The following KALRN variants were observed in gnomAD, a reference collection of about 807,000 sequenced individuals.
The protein encoded by KALRN is kalirin RhoGEF kinase, also known as kalirin.
KALRN carries 70 observed loss-of-function variants against 353.7 expected under a neutral mutation model. The ratio of observed to expected loss-of-function variants is 0.20; its 90% confidence interval spans 0.16 to 0.24. The LOEUF is 0.24. KALRN is among the 10% of genes least tolerant of loss of function. The probability of loss-of-function intolerance (pLI) is 1.00; values close to 1 mark genes in which losing one functional copy is unlikely to be tolerated. For missense variants in KALRN, 2,791 were observed against 3,756.7 expected, an observed-to-expected ratio of 0.74 and a Z score of 6.72; for synonymous variants, 1,391 against 1,434.8, an observed-to-expected ratio of 0.97 and a Z score of 0.69.
chr3:124,191,512 T>C (rs141818676), intron 1 of KALRN, among the ~76,000 whole-genome samples: 6 of 152,354 alleles, frequency 3.9e-5, no homozygotes, highest in African/African-American at 1.2e-4. Flanking sequence ...AAAGACCACA[T>C]ATATTAATAT....
chr3:124,678,434 G>T, intron 50 of KALRN, 121 bp downstream of exon 50: 3 of 1,076,472 alleles, frequency 2.8e-6, no homozygotes, highest in South Asian at 1.6e-5. Flanking sequence ...GGTACCAGAG[G>T]GGAAGTAGTT....
chr3:124,046,565 A>C (rs1399902952), intron 1 of KALRN, among the ~76,000 whole-genome samples: 5 of 152,248 alleles, frequency 3.3e-5, no homozygotes, highest in Admixed American at 2.6e-4. Flanking sequence ...AGTTGATTTC[A>C]GAATGGGCTG....
At chr3:124,248,801 G>A (rs1455379275) in intron 3 of KALRN, among the ~76,000 whole-genome samples, 1 of 152,178 alleles carries the variant, frequency 6.6e-6, no homozygotes, top group African/African-American at 2.4e-5. Context: ...CTCCCAGACT[G>A]TTCTGTCCGG....
At chr3:124,298,695 G>A in intron 5 of KALRN, 96 bp from the exon 6 acceptor site, 2 of 1,384,786 alleles carry the variant, frequency 1.4e-6, no homozygotes, top group Non-Finnish European at 2.0e-6. Context: ...CTGAGCACCA[G>A]CAGGAGAGCT....
At chr3:124,371,769 C>G (rs1270043844) in intron 10 of KALRN, among the ~76,000 whole-genome samples, 1 of 152,152 alleles carries the variant, frequency 6.6e-6, no homozygotes, top group African/African-American at 2.4e-5. Context: ...TGTCCATCCC[C>G]TCAAGCATTT....
chr3:124,186,923 A>G (rs1447358658), intron 1 of KALRN, among the ~76,000 whole-genome samples: 2 of 152,162 alleles, frequency 1.3e-5, no homozygotes, highest in Non-Finnish European at 2.9e-5. Context: ...GAGGGGTAGA[A>G]GATGGGAATG....
At chr3:124,711,045 C>A (rs1042292567) in intron 57 of KALRN, among the ~76,000 whole-genome samples, 1 of 152,170 alleles carries the variant, frequency 6.6e-6, no homozygotes, top group African/African-American at 2.4e-5. Context: ...ACCAGAATGG[C>A]AATTTATTAA....
intron 1 of KALRN, among the ~76,000 whole-genome samples, chr3:124,082,986 A>ACCT (rs1188709111): frequency 2.6e-5 from 4 of 152,122 alleles, no homozygotes; most frequent in Non-Finnish European, 5.9e-5. Context: ...TACTTGGTTG[A>ACCT]CCTCCTGCCT....
chr3:124,078,215 G>A (rs1466994006), intron 1 of KALRN, among the ~76,000 whole-genome samples: 6 of 152,066 alleles, frequency 3.9e-5, no homozygotes, highest in Non-Finnish European at 8.8e-5. Flanking sequence ...TTGTGTACTT[G>A]TCTTGACTTC....
Position 124,629,806 on chromosome 3 carries a change from C to T in KALRN, c.5183-2614C>T, listed in dbSNP as rs1013634395. ...TCTTGCTTTTTCATTTTTTCTCTCTCTCTCTCTGTCTCTCTCTCTCTCTGC... is the reference window on the plus strand; with the variant it reads ...TCTTGCTTTTTCATTTTTTCTCTCTTTCTCTCTGTCTCTCTCTCTCTCTGC... On this transcript the variant is annotated intron_variant, in intron 34 of 59. Coordinates refer to ENST00000682506, the MANE Select transcript of KALRN (RefSeq NM_001388419.1). 2.4e-4 allele frequency among the ~76,000 whole-genome samples: 17 copies of T among 70,332 alleles called. No individual in the cohort carries two copies. In the South Asian group the frequency reaches 3.2e-3, roughly 13 times the overall value. The allele number at this position is 70,332 out of a possible 152,430, so 46.1% of individuals were successfully genotyped here. A position where few individuals can be genotyped will look rare whatever the true frequency, so the allele number is the denominator to read the frequency against.
At chr3:124,583,770 C>G (rs1346911989) in intron 34 of KALRN, among the ~76,000 whole-genome samples, 1 of 152,188 alleles carries the variant, frequency 6.6e-6, no homozygotes, top group African/African-American at 2.4e-5. Flanking sequence ...ATACCAACAT[C>G]AGCATCACCT....
intron 37 of KALRN, among the ~76,000 whole-genome samples, chr3:124,649,516 G>A (rs2083140508): frequency 6.6e-6 from 1 of 152,150 alleles, no homozygotes; most frequent in African/African-American, 2.4e-5. Flanking sequence ...TCTCACACCT[G>A]TAATCCCAGC....
intron 1 of KALRN, among the ~76,000 whole-genome samples, chr3:124,110,987 A>G (rs1036440117): frequency 6.6e-6 from 1 of 152,218 alleles, no homozygotes; most frequent in Non-Finnish European, 1.5e-5. Flanking sequence ...TCTCAAGGCA[A>G]AAGCTTTTTT....
chr3:124,446,621 C>T (rs2093847897), intron 20 of KALRN, 142 bp from the exon 21 acceptor site: 1 of 1,030,652 alleles, frequency 9.7e-7, no homozygotes, highest in South Asian at 1.6e-5. Context: ...TAAAAAAAAA[C>T]TCCAGAGCTA....
At chr3:124,129,461 G>A (rs1560028020) in intron 1 of KALRN, among the ~76,000 whole-genome samples, 1 of 152,166 alleles carries the variant, frequency 6.6e-6, no homozygotes, top group Non-Finnish European at 1.5e-5. Flanking sequence ...CCCAACTAGA[G>A]ACATACTCTT....
intron 1 of KALRN, among the ~76,000 whole-genome samples, chr3:124,170,602 G>A (rs7649940): frequency 0.022 from 3,402 of 152,098 alleles, 140 homozygotes; most frequent in African/African-American, 0.078. Context: ...GAGAGAAGAC[G>A]TTTTCCTCTT....
At chr3:124,464,816 G>A (rs1416983768) in intron 25 of KALRN, among the ~76,000 whole-genome samples, 6 of 142,900 alleles carry the variant, frequency 4.2e-5, no homozygotes, top group Admixed American at 2.9e-4. Flanking sequence ...ACCAGCAGCT[G>A]TCTAAAGAAG....
At chr3:124,247,882 T>TG (rs1222456481) in intron 3 of KALRN, among the ~76,000 whole-genome samples, 2 of 150,512 alleles carry the variant, frequency 1.3e-5, no homozygotes, top group Non-Finnish European at 2.9e-5. Context: ...TCACTTGTAT[T>TG]GAAAAAAAAA....
At chr3:124,437,418 G>A (rs117676408) in intron 17 of KALRN, among the ~76,000 whole-genome samples, 6 of 152,290 alleles carry the variant, frequency 3.9e-5, no homozygotes, top group East Asian at 1.9e-4. Context: ...GGCTGGGCAC[G>A]GAGGCTCACG....
Sources: allele counts gnomAD v4.1 joint callset (sites outside exome capture counted in the v4.1 genomes callset), GRCh38; gene constraint gnomAD v4.1.1; transcripts MANE v1.5; gene names NCBI Gene and HGNC (gene_info 2026-07-23, HGNC 2026-07-21).